The following CTNND2 variants were observed in gnomAD, a reference collection of about 807,000 sequenced individuals.
CTNND2 encodes the protein catenin delta 2.
CTNND2 carries 22 observed loss-of-function variants against 144.4 expected under a neutral mutation model. That is an observed-to-expected ratio of 0.15 (90% CI 0.11 to 0.22). The LOEUF (loss-of-function observed/expected upper bound fraction) is 0.22, where lower values mean the gene tolerates loss of function less well. CTNND2 is among the 10% of genes least tolerant of loss of function. The pLI is 1.00. For missense variants in CTNND2, 1,353 were observed against 1,618.8 expected (o/e 0.84, Z 2.82); for synonymous variants, 751 against 695.6 (o/e 1.08, Z -1.25).
chr5:11,280,569 T>C (rs900096887), intron 9 of CTNND2, among the ~76,000 whole-genome samples: 1 of 152,226 alleles, frequency 6.6e-6, no homozygotes. Flanking sequence ...AGCTCCACCT[T>C]TGTGACTTCA....
intron 16 of CTNND2, among the ~76,000 whole-genome samples, chr5:11,043,016 C>T (rs1401445762): frequency 1.3e-5 from 2 of 151,896 alleles, no homozygotes; most frequent in African/African-American, 4.8e-5. Context: ...CTTCCAATCA[C>T]TTGTCTTCAC....
At chr5:11,819,686 T>C (rs1013624528) in intron 1 of CTNND2, among the ~76,000 whole-genome samples, 2 of 152,176 alleles carry the variant, frequency 1.3e-5, no homozygotes, top group Admixed American at 1.3e-4. Flanking sequence ...AAGTAACTTT[T>C]GCCGCCTCTT....
intron 3 of CTNND2, among the ~76,000 whole-genome samples, chr5:11,495,535 C>A (rs1245636625): frequency 6.6e-6 from 1 of 152,126 alleles, no homozygotes; most frequent in East Asian, 1.9e-4. Flanking sequence ...TTTGTACTGG[C>A]GTCAACCTTG....
chr5:11,893,067 G>A (rs1737106774), intron 1 of CTNND2, among the ~76,000 whole-genome samples: 1 of 152,134 alleles, frequency 6.6e-6, no homozygotes, highest in Admixed American at 6.6e-5. Flanking sequence ...CATTCTGTAG[G>A]TCTAACTGCA....
intron 3 of CTNND2, among the ~76,000 whole-genome samples, chr5:11,556,840 T>G (rs1333406652): frequency 6.6e-6 from 1 of 152,012 alleles, no homozygotes; most frequent in Non-Finnish European, 1.5e-5. Flanking sequence ...TTTATTACGT[T>G]TTATCCTTTT....
chr5:11,775,718 T>C (rs930527223), intron 1 of CTNND2, among the ~76,000 whole-genome samples: 1 of 152,104 alleles, frequency 6.6e-6, no homozygotes, highest in Non-Finnish European at 1.5e-5. Context: ...CTGAGTAGAG[T>C]ATGTGTCTGC....
intron 21 of CTNND2, among the ~76,000 whole-genome samples, chr5:10,975,261 A>G (rs145089686): frequency 9.8e-5 from 15 of 152,294 alleles, no homozygotes; most frequent in Non-Finnish European, 1.8e-4. Context: ...AGACATGCAA[A>G]GGCTCAGAAT....
At chr5:11,186,865 C>T (rs1232451807) in intron 11 of CTNND2, among the ~76,000 whole-genome samples, 1 of 152,198 alleles carries the variant, frequency 6.6e-6, no homozygotes, top group African/African-American at 2.4e-5. Context: ...ACTAGTACCA[C>T]AGACCAGCTG....
chr5:11,642,993 T>C (rs1466970174), intron 2 of CTNND2, among the ~76,000 whole-genome samples: 2 of 152,194 alleles, frequency 1.3e-5, no homozygotes, highest in African/African-American at 2.4e-5. Context: ...GTGCTGTCTG[T>C]GTCTCCAATC....
chr5:11,565,813 T>G (rs999112023), intron 2 of CTNND2, among the ~76,000 whole-genome samples: 2 of 152,236 alleles, frequency 1.3e-5, no homozygotes, highest in African/African-American at 4.8e-5. Flanking sequence ...ATTTTACTAC[T>G]GATGTTTTCT....
At chr5:11,610,386 G>A (rs563148646) in intron 2 of CTNND2, among the ~76,000 whole-genome samples, 7 of 152,232 alleles carry the variant, frequency 4.6e-5, no homozygotes, top group South Asian at 2.1e-4. Context: ...GAGAATAGCC[G>A]ATTTTCACAA....
chr5:11,101,887 A>ATGTGTGTGTGTGTGTG (rs201704440), intron 14 of CTNND2, among the ~76,000 whole-genome samples: 4,690 of 145,166 alleles, frequency 0.032, 169 homozygotes, highest in African/African-American at 0.094. Flanking sequence ...ACGACCACAT[A>ATGTGTGTGTGTGTGTG]TGTGTGTGTG....
At chr5:11,550,654 C>T (rs1026486756) in intron 3 of CTNND2, among the ~76,000 whole-genome samples, 1 of 152,208 alleles carries the variant, frequency 6.6e-6, no homozygotes, top group Non-Finnish European at 1.5e-5. Context: ...CTTATGAATA[C>T]AGCGTTACTG....
chr5:11,655,266 T>C (rs1782852915), intron 2 of CTNND2, among the ~76,000 whole-genome samples: 1 of 152,100 alleles, frequency 6.6e-6, no homozygotes, highest in Non-Finnish European at 1.5e-5. Flanking sequence ...TAACTATTTT[T>C]TTTTTTAGGC....
intron 18 of CTNND2, among the ~76,000 whole-genome samples, chr5:11,007,347 G>GC (rs1271667614): frequency 6.7e-6 from 1 of 149,236 alleles, no homozygotes; most frequent in Non-Finnish European, 1.5e-5. Flanking sequence ...CGGCCAATCT[G>GC]TCATCTGGTT....
Position 11,490,861 on chromosome 5 carries a change from C to T in CTNND2, c.287+74083G>A, listed in dbSNP as rs149823954. Among the ~76,000 whole-genome samples, 1,101 of 152,122 alleles carry T rather than the reference C, an allele frequency of 7.2e-3. 15 individuals are homozygous for T. The highest frequency in any genetic ancestry group is 0.024 in the African/African-American group (1,000 of 41,526). Reference sequence around the variant, plus strand: ...TAGAAGGCCTGGCATGGTGGCTCACCCCTGTAATCCCAACACTTTGGGAGG... The same window carrying T: ...TAGAAGGCCTGGCATGGTGGCTCACTCCTGTAATCCCAACACTTTGGGAGG... On this transcript the variant is annotated intron_variant, in intron 3 of 21. Coordinates refer to ENST00000304623, the MANE Select transcript of CTNND2 (RefSeq NM_001332.4).
chr5:11,072,890 T>C (rs1362500822), intron 16 of CTNND2, among the ~76,000 whole-genome samples: 1 of 152,180 alleles, frequency 6.6e-6, no homozygotes, highest in Non-Finnish European at 1.5e-5. Flanking sequence ...GGCTGTCCCC[T>C]CCCTGCTGTC....
At chr5:11,502,512 T>C (rs1770636161) in intron 3 of CTNND2, among the ~76,000 whole-genome samples, 1 of 152,164 alleles carries the variant, frequency 6.6e-6, no homozygotes, top group Non-Finnish European at 1.5e-5. Flanking sequence ...ATAAAAAATA[T>C]GATACTTAAA....
chr5:11,745,969 C>T (rs968402574), intron 1 of CTNND2, among the ~76,000 whole-genome samples: 1 of 152,106 alleles, frequency 6.6e-6, no homozygotes, highest in Non-Finnish European at 1.5e-5. Flanking sequence ...ATATTTTATT[C>T]CATTTTATTT....
Sources: gnomAD v4.1 joint callset for allele counts (sites outside exome capture counted in the v4.1 genomes callset) on GRCh38, gnomAD v4.1.1 for gene constraint, MANE v1.5 for transcripts, NCBI Gene and HGNC (gene_info 2026-07-23, HGNC 2026-07-21) for gene names.